CHM: variants seen among roughly 807,000 people sequenced by gnomAD.
CHM encodes the protein rab proteins geranylgeranyltransferase component A 1.
CHM carries 10 observed loss-of-function variants against 49.0 expected under a neutral mutation model. The observed-to-expected ratio is 0.20, with a 90% CI of 0.13 to 0.35. The LOEUF (loss-of-function observed/expected upper bound fraction) is 0.35. CHM is among the 10% of genes least tolerant of loss of function. The pLI is 1.00. For synonymous variants in CHM, 184 were observed against 167.5 expected (o/e 1.10, Z -0.76); for missense variants, 455 against 478.4 (o/e 0.95, Z 0.46).
chrX:85,952,810 T>C (rs1929815224), intron 8 of CHM, among the ~76,000 whole-genome samples: 6 of 112,961 alleles, frequency 5.3e-5, no homozygotes, highest in Admixed American at 9.3e-5. Flanking sequence ...TTTCTGGACC[T>C]ACCCTCGGCC....
chrX:85,870,713 T>A (rs762590818), intron 14 of CHM, among the ~76,000 whole-genome samples: 79 of 111,411 alleles, frequency 7.1e-4, no homozygotes, highest in Non-Finnish European at 1.3e-3. Context: ...GATGTCAGTT[T>A]CAGAAAAATA....
intron 8 of CHM, among the ~76,000 whole-genome samples, chrX:85,919,135 T>C (rs1314606315): frequency 8.9e-6 from 1 of 112,375 alleles, no homozygotes; most frequent in East Asian, 2.8e-4. Flanking sequence ...TAAAACTTCA[T>C]ATTATTGAAT....
chrX:85,917,810 A>G (rs1250611651), intron 8 of CHM, among the ~76,000 whole-genome samples: 1 of 111,151 alleles, frequency 9.0e-6, no homozygotes, highest in African/African-American at 3.3e-5. Flanking sequence ...GAGGGAAAAA[A>G]AAAAAACCTC....
chrX:85,938,553 T>TC (rs1203629520), intron 8 of CHM, among the ~76,000 whole-genome samples: 7 of 108,952 alleles, frequency 6.4e-5, no homozygotes, highest in African/African-American at 2.3e-4. Context: ...TCTTTTTTTT[T>TC]TTTTTTTGGT....
At chrX:86,007,641 T>A (rs1464154124) in intron 2 of CHM, among the ~76,000 whole-genome samples, 40 of 112,003 alleles carry the variant, frequency 3.6e-4, no homozygotes, top group South Asian at 1.1e-3. Context: ...ATGCAGCCAA[T>A]AAATACATGA....
chrX:85,956,424 C>A lies in CHM; in HGVS notation c.941-46G>T, dbSNP rs770099925. The A allele has an allele frequency of 2.0e-5, 23 of 1,167,627 alleles. No homozygotes were observed. In the South Asian group the frequency reaches 4.0e-4, roughly 20 times the overall value. On this transcript the variant is annotated intron_variant, in intron 7 of 14. Coordinates refer to ENST00000357749, the MANE Select transcript of CHM (RefSeq NM_000390.4). ...ATCACTTAAAATCAGAACTAAACTT[C>A]TATTTAAAACCACCCCACAAAAAGG...
At chrX:85,953,065 A>G (rs1484561664) in intron 8 of CHM, among the ~76,000 whole-genome samples, 1 of 112,689 alleles carries the variant, frequency 8.9e-6, no homozygotes, top group East Asian at 2.8e-4. Flanking sequence ...AGACTGACAA[A>G]TTTAGTAAAG....
chrX:86,039,462 A>C (rs1046828122), intron 1 of CHM, among the ~76,000 whole-genome samples: 1 of 104,408 alleles, frequency 9.6e-6, no homozygotes, highest in Non-Finnish European at 1.9e-5. Context: ...GATTAAAACC[A>C]CCATTAACTA....
chrX:85,897,627 G>T (rs1427791538), intron 11 of CHM, among the ~76,000 whole-genome samples: 1 of 110,249 alleles, frequency 9.1e-6, no homozygotes, highest in Admixed American at 9.7e-5. Context: ...AGGAGCAGGG[G>T]ATAAGCAGGG....
At chrX:85,937,023 T>C (rs895252827) in intron 8 of CHM, among the ~76,000 whole-genome samples, 46 of 110,902 alleles carry the variant, frequency 4.1e-4, no homozygotes, top group African/African-American at 1.4e-3. Flanking sequence ...TCCCAGCACT[T>C]TGGGAGGCTG....
chrX:85,958,897 G>A lies in CHM; in HGVS notation c.783C>T (p.Thr261=). Residue 261 remains threonine, a synonymous_variant, in exon 6 of 15, where the codon ACC becomes ACT. Coordinates refer to ENST00000357749, the MANE Select transcript of CHM (RefSeq NM_000390.4). ...VSRYAEFKNI[T]RILAFREGRV... ...GTCCTTCTCGAAATGCAAGAATCCT[G>A]GTAATATTTTTAAACTCTGCATATC... is the stretch of plus-strand genomic sequence containing the variant. 1 of 1,210,885 alleles carries A rather than the reference G, an allele frequency of 8.3e-7. No homozygotes were observed. The highest frequency in any genetic ancestry group is 1.1e-6 in the Non-Finnish European group (1 of 895,164).
At chrX:85,925,833 A>C (rs1928047378) in intron 8 of CHM, among the ~76,000 whole-genome samples, 2 of 111,461 alleles carry the variant, frequency 1.8e-5, no homozygotes, top group Non-Finnish European at 3.8e-5. Context: ...GTTTTTCTGA[A>C]TGTAGAAACA....
chrX:85,996,496 G>T (rs998700998), intron 2 of CHM, among the ~76,000 whole-genome samples: 1 of 111,483 alleles, frequency 9.0e-6, no homozygotes, highest in Admixed American at 9.6e-5. Flanking sequence ...AAATAATGCT[G>T]GCTCCCTGTG....
At chrX:85,999,522 G>A (rs754847756) in intron 2 of CHM, among the ~76,000 whole-genome samples, 10 of 111,689 alleles carry the variant, frequency 9.0e-5, no homozygotes, top group Non-Finnish European at 1.7e-4. Flanking sequence ...AGGATCAGTT[G>A]AGGTCATGTA....
rs116126722 is a variant in CHM at position 85,884,176 on chromosome X, T to A, written c.1511-5113A>T. Among the ~76,000 whole-genome samples the A allele has an allele frequency of 6.7e-3, 745 of 111,165 alleles. 4 individuals carry two copies. Among genetic ancestry groups the A allele is most frequent in the African/African-American group, 0.022 (688 of 30,721 alleles). ...ACAATAAACAAATACATTTCAGTTA[T>A]TTAACAATCCCAGTAACTTGAACCA... On this transcript the variant is annotated intron_variant, in intron 12 of 14. Transcript: ENST00000357749.
chrX:85,922,417 G>A (rs1927847757), intron 8 of CHM, among the ~76,000 whole-genome samples: 1 of 111,799 alleles, frequency 8.9e-6, no homozygotes, highest in African/African-American at 3.3e-5. Context: ...GCTGTATTTT[G>A]CTGTAGTGGG....
intron 8 of CHM, among the ~76,000 whole-genome samples, chrX:85,913,427 T>G (rs55814934): frequency 1.0e-5 from 1 of 98,474 alleles, no homozygotes; most frequent in Non-Finnish European, 2.1e-5. Flanking sequence ...GAGAGGAGAC[T>G]GGAGGACAGG....
intron 8 of CHM, among the ~76,000 whole-genome samples, chrX:85,917,542 C>CT (rs1207511415): frequency 9.0e-6 from 1 of 111,437 alleles, no homozygotes; most frequent in Non-Finnish European, 1.9e-5. Context: ...CACGCTAGCT[C>CT]TATAGCAGTG....
In CHM at chrX:85,913,313, C is replaced by CAAA. The variant is rs1169192160; in HGVS notation, c.1167-1978_1167-1976dup. Among the ~76,000 whole-genome samples, 24 of 8,054 alleles carry CAAA rather than the reference C, an allele frequency of 3.0e-3. 2 individuals are homozygous for CAAA. The highest frequency in any genetic ancestry group is 9.4e-3 in the African/African-American group (24 of 2,562). 7.0% of individuals were successfully genotyped at this position (8,054 alleles called of 115,157 possible). A position where few individuals can be genotyped will look rare whatever the true frequency, so the allele number is the denominator to read the frequency against. On this transcript the variant is annotated intron_variant, in intron 8 of 14. Transcript: ENST00000357749. Reference sequence around the variant, plus strand: ...CCTGGGCAACAGAGCAAGACTCTGTCAAAAAAAAAAAAAAAAAAAAAAGAA... The same window carrying CAAA: ...CCTGGGCAACAGAGCAAGACTCTGTCAAAAAAAAAAAAAAAAAAAAAAAAAGAA...
Sources: gnomAD v4.1 joint callset for allele counts (sites outside exome capture counted in the v4.1 genomes callset) on GRCh38, gnomAD v4.1.1 for gene constraint, MANE v1.5 for transcripts, NCBI Gene and HGNC (gene_info 2026-07-23, HGNC 2026-07-21) for gene names.